The following ZNF888 variants were observed in gnomAD, a reference collection of about 807,000 sequenced individuals.
ZNF888 encodes the protein CTD-2331H12.6.
A neutral mutation model predicts 7.2 loss-of-function variants in ZNF888; 5 were observed. The ratio of observed to expected loss-of-function variants is 0.70; its 90% CI spans 0.36 to 1.46. The LOEUF (loss-of-function observed/expected upper bound fraction) is 1.46, where lower values mean the gene tolerates loss of function less well. ZNF888 is among the 40% of genes most tolerant of loss of function. The pLI, the probability that ZNF888 is intolerant of heterozygous loss-of-function variation, is 0.03. For missense variants in ZNF888, 716 were observed against 858.0 expected, an observed-to-expected ratio of 0.83 and a Z score of 2.07; for synonymous variants, 240 against 284.3, an observed-to-expected ratio of 0.84 and a Z score of 1.57.
At chr19:52,910,419 C>T (rs1466037382) in intron 4 of ZNF888, among the ~76,000 whole-genome samples, 1 of 151,986 alleles carries the variant, frequency 6.6e-6, no homozygotes, top group Non-Finnish European at 1.5e-5. Flanking sequence ...TGCAGTGAGC[C>T]GAGACCATGC....
chr19:52,907,349 G>A lies in ZNF888; in HGVS notation c.973C>T (p.Pro325Ser). The A allele has an allele frequency of 6.2e-7, 1 of 1,613,628 alleles. No homozygotes were observed. The highest frequency in any genetic ancestry group is 1.1e-5 in the South Asian group (1 of 91,038). Residue 325 changes from proline to serine, a missense_variant, in exon 5 of 5, where the codon CCT (proline) becomes TCT (serine). By Grantham distance (74) the Pro-to-Ser change is moderately conservative. Transcript: ENST00000638862. Reference protein sequence around the residue: ...VHKTIHTGEKPYKCNECGKVF... With the variant: ...VHKTIHTGEKSYKCNECGKVF... Reference sequence around the variant, plus strand: ...TTGCCACATTCATTACACTTGTAAGGTTTCTCTCCAGTATGAATTGTCTTG... The same window carrying A: ...TTGCCACATTCATTACACTTGTAAGATTTCTCTCCAGTATGAATTGTCTTG...
intron 1 of ZNF888, among the ~76,000 whole-genome samples, chr19:52,922,213 T>C (rs1035699813): frequency 1.3e-5 from 2 of 151,700 alleles, no homozygotes; most frequent in African/African-American, 4.8e-5. Context: ...TTGCTCCTTT[T>C]CCCCAATCTT....
At chr19:52,913,755 A>C (rs2064712894) in intron 4 of ZNF888, 1 of 984,276 alleles carries the variant, frequency 1.0e-6, no homozygotes, top group Admixed American at 6.1e-5. Flanking sequence ...ATGGACACTA[A>C]CGTGGTTGTT....
chr19:52,905,734 A>ATACTC lies in ZNF888; in HGVS notation c.*426_*430dup, dbSNP rs577507761. ...GTCAATTAATGCTTGATGGTTTGCT[A>ATACTC]TACTCATTGCATTCGGAACTATTAT... On this transcript the variant is annotated 3_prime_UTR_variant, in exon 5 of 5. Transcript: ENST00000638862. 1.3e-4 allele frequency: 66 copies of ATACTC among 499,286 alleles called. 1 individual carries two copies. The East Asian group carries it at 3.0e-3, about 23-fold the overall frequency. The allele number at this position is 499,286 out of a possible 1,614,324, so 30.9% of individuals were successfully genotyped here. A position where few individuals can be genotyped will look rare whatever the true frequency, so the allele number is the denominator to read the frequency against.
intron 2 of ZNF888, 102 bp from the exon 3 acceptor site, chr19:52,918,033 C>T (rs1041988337): frequency 6.8e-7 from 1 of 1,481,144 alleles, no homozygotes; most frequent in Non-Finnish European, 8.9e-7. Context: ...GAGACCTCAC[C>T]CTGGGAAATA....
chr19:52,908,844 CAAAA>C (rs11326533), intron 4 of ZNF888, among the ~76,000 whole-genome samples: 4 of 81,270 alleles, frequency 4.9e-5, no homozygotes, highest in African/African-American at 9.3e-5. Flanking sequence ...AGACTCGAGT[CAAAA>C]AAAAAAAAAA....
rs142566107 is a variant in ZNF888 at position 52,923,246 on chromosome 19, C to T, written c.-178+123G>A. ...TTCCGGACTCCTAGGGGAATGTCTC[C>T]ATTTGCTCTTGTTGAAGGAAGAAGG... On this transcript the variant is annotated intron_variant, in intron 1 of 4. Transcript: ENST00000638862. 6,057 of 964,384 alleles carry T rather than the reference C, an allele frequency of 6.3e-3. 27 individuals are homozygous for T. Among genetic ancestry groups the T allele is most frequent in the Non-Finnish European group, 6.7e-3 (5,453 of 810,542 alleles). The allele number at this position is 964,384 out of a possible 1,614,324, so 59.7% of individuals were successfully genotyped here.
At position 52,920,845 on chromosome 19, in the gene ZNF888, G is replaced by A. The variant is rs1338413045; in HGVS notation, c.-177-1908C>T. The stretch of plus-strand genomic sequence containing the variant: ...AATGTATAAAACCAAGCTGCGCCCC[G>A]ACCACCTTGGGCATGTGTTCCTGGG... On this transcript the variant is annotated intron_variant, in intron 1 of 4. Coordinates refer to ENST00000638862, the MANE Select transcript of ZNF888 (RefSeq NM_001393938.1). 4.4e-5 allele frequency among the ~76,000 whole-genome samples: 2 copies of A among 45,214 alleles called. 1 individual carries two copies. The highest frequency in any genetic ancestry group is 1.4e-4 in the African/African-American group (2 of 14,518). The allele number at this position is 45,214 out of a possible 152,430, so 29.7% of individuals were successfully genotyped here.
chr19:52,918,519 T>C (rs1310639763), intron 2 of ZNF888, among the ~76,000 whole-genome samples: 1 of 152,060 alleles, frequency 6.6e-6, no homozygotes, highest in African/African-American at 2.4e-5. Context: ...CCTGTAATAC[T>C]AGCACTCTGG....
chr19:52,907,983 T>C lies in ZNF888; in HGVS notation c.339A>G (p.Thr113=). ...DETNGHEAPM[T]EIKELTGSTD... is the part of the protein sequence containing the mutation. ...TACTACCCGTCAACTCTTTGATTTCTGTCATGGGTGCTTCATGGCCATTTG... is the reference window on the plus strand; with the variant it reads ...TACTACCCGTCAACTCTTTGATTTCCGTCATGGGTGCTTCATGGCCATTTG... The change falls in exon 5 of 5, where the codon ACA becomes ACG. Residue 113 remains threonine (T), a synonymous_variant. Transcript: ENST00000638862. 1 of 1,614,134 alleles carries C rather than the reference T, an allele frequency of 6.2e-7. No individual in the cohort carries two copies. The highest frequency in any genetic ancestry group is 8.5e-7 in the Non-Finnish European group (1 of 1,180,000).
At chr19:52,917,041 G>C (rs1052534652) in intron 3 of ZNF888, among the ~76,000 whole-genome samples, 1 of 145,698 alleles carries the variant, frequency 6.9e-6, no homozygotes, top group East Asian at 2.0e-4. Context: ...CCTGTTTCAC[G>C]AGCCTCTCCA....
chr19:52,907,433 G>T lies in ZNF888; in HGVS notation c.889C>A (p.Pro297Thr), dbSNP rs1469558816. ...RHYRRHTGEK[P>T]YKCNECGKTF... ...TTGCCACACTCATTACACTTGTAAG[G>T]TTTTTCTCCAGTATGACGTCTATAA... Residue 297 changes from proline to threonine, a missense_variant, in exon 5 of 5, where the codon CCT becomes ACT. By Grantham distance (38) the Pro-to-Thr change is conservative. This residue lies in a region of ZNF888 where 697 missense variants were observed against 803.4 expected (regional missense o/e 0.87). Transcript: ENST00000638862. 6.2e-6 allele frequency: 10 copies of T among 1,611,082 alleles called. No homozygotes were observed. The highest frequency in any genetic ancestry group is 1.7e-5 in the Admixed American group (1 of 59,702).
rs1386785162 is a variant in ZNF888 at position 52,904,619 on chromosome 19, G to T, written c.*1546C>A. 2 of 152,248 alleles carry T rather than the reference G, an allele frequency of 1.3e-5. No homozygotes were observed. The highest frequency in any genetic ancestry group is 2.9e-5 in the Non-Finnish European group (2 of 68,050). The allele number at this position is 152,248 out of a possible 1,614,324, so 9.4% of individuals were successfully genotyped here. On this transcript the variant is annotated 3_prime_UTR_variant, in exon 5 of 5. Transcript: ENST00000638862. ...GGTGTTCAGAGTGGAAAAGAACAGA[G>T]CAGGGAGTTTCACAATGTTCTTCTA... is the stretch of plus-strand genomic sequence containing the variant.
At chr19:52,915,982 G>A (rs1360280241) in intron 3 of ZNF888, among the ~76,000 whole-genome samples, 2 of 152,260 alleles carry the variant, frequency 1.3e-5, no homozygotes, top group Non-Finnish European at 2.9e-5. Context: ...AGATGACAAC[G>A]TCCACAGTAA....
Position 52,906,527 on chromosome 19 carries a change from G to A in ZNF888, c.1795C>T (p.Leu599Phe). 6.2e-7 allele frequency: 1 copy of A among 1,613,316 alleles called. No homozygotes were observed. Among genetic ancestry groups the A allele is most frequent in the East Asian group, 2.2e-5 (1 of 44,828 alleles). ...TTGTAAGGTTTCTCTCCAGTATGAA[G>A]TCTATGATGACATGCAAGTTGTGAC... ...TQSQLACHHR[L>F]HTGEKPYKCE... is the part of the protein sequence containing the mutation. Residue 599 changes from leucine (L) to phenylalanine (F), a missense_variant, in exon 5 of 5, where the codon CTT becomes TTT. By Grantham distance (22) the Leu-to-Phe change is conservative. Around this residue, in one of 2 missense-constraint regions of ZNF888, gnomAD observed 697 missense variants for 803.4 expected, o/e 0.87. Coordinates refer to ENST00000638862, the MANE Select transcript of ZNF888 (RefSeq NM_001393938.1).
intron 1 of ZNF888, among the ~76,000 whole-genome samples, chr19:52,919,942 G>A (rs1204296866): frequency 3.2e-5 from 2 of 62,062 alleles, no homozygotes; most frequent in African/African-American, 5.9e-5. Context: ...CGTCTGGGAA[G>A]TGAGGAGCCC....
chr19:52,909,180 G>T (rs548486869), intron 4 of ZNF888, among the ~76,000 whole-genome samples: 1 of 151,508 alleles, frequency 6.6e-6, no homozygotes, highest in Admixed American at 6.6e-5. Context: ...ATATTTTTCT[G>T]AATAACTGTT....
intron 3 of ZNF888, among the ~76,000 whole-genome samples, chr19:52,916,615 C>CATATACATATACATATACATATATATAT (rs374760326): frequency 2.5e-4 from 33 of 131,422 alleles, no homozygotes; most frequent in African/African-American, 1.0e-3. Context: ...TATACATATA[C>CATATACATATACATATACATATATATAT]ATATATATAT....
rs2064601736 is a variant in ZNF888 at position 52,905,907 on chromosome 19, T to TTC, written c.*257_*258insGA. On this transcript the variant is annotated 3_prime_UTR_variant, in exon 5 of 5. Transcript: ENST00000638862. The stretch of plus-strand genomic sequence containing the variant: ...CGTGAAGTAAAGGCTTTGCTCACAA[T>TTC]CATCACACTTGTGAGGTTTCTCTCC... The TTC allele has an allele frequency of 1.3e-6, 1 of 785,942 alleles. No homozygotes were observed. Among genetic ancestry groups the TTC allele is most frequent in the Non-Finnish European group, 2.3e-6 (1 of 439,418 alleles). The allele number at this position is 785,942 out of a possible 1,614,324, so 48.7% of individuals were successfully genotyped here.
Sources: allele counts gnomAD v4.1 joint callset (sites outside exome capture counted in the v4.1 genomes callset), GRCh38; gene constraint gnomAD v4.1.1; regional missense constraint gnomAD v4.1.1; transcripts MANE v1.5; gene names NCBI Gene and HGNC (gene_info 2026-07-23, HGNC 2026-07-21).